Variants in FRYL observed in about 807,000 individuals in gnomAD.
The protein encoded by FRYL is protein furry homolog-like.
A neutral mutation model predicts 351.2 loss-of-function variants in FRYL; 150 were observed. The ratio of observed to expected loss-of-function variants is 0.43; its 90% CI spans 0.37 to 0.49. The LOEUF is 0.49. FRYL is among the 20% of genes least tolerant of loss of function. The pLI, the probability that FRYL is intolerant of heterozygous loss-of-function variation, is 0.00. For synonymous variants in FRYL, 1,153 were observed against 1,257.1 expected, an observed-to-expected ratio of 0.92 and a Z score of 1.75; for missense variants, 3,036 against 3,619.3, an observed-to-expected ratio of 0.84 and a Z score of 4.13.
At chr4:48,608,099 T>C (rs1265064332) in intron 9 of FRYL, among the ~76,000 whole-genome samples, 6 of 152,160 alleles carry the variant, frequency 3.9e-5, no homozygotes, top group African/African-American at 1.4e-4. Context: ...ATTAAAAAAT[T>C]ATCATCTATA....
intron 1 of FRYL, among the ~76,000 whole-genome samples, chr4:48,742,239 T>C (rs1772171471): frequency 6.6e-6 from 1 of 152,242 alleles, no homozygotes; most frequent in African/African-American, 2.4e-5. Flanking sequence ...GTGCACCTTT[T>C]AAAGTCTGAC....
chr4:48,508,307 T>C (rs1194705809), intron 59 of FRYL, among the ~76,000 whole-genome samples: 6 of 152,200 alleles, frequency 3.9e-5, no homozygotes, highest in South Asian at 2.1e-4. Context: ...ATCTGAGATT[T>C]TGAATGAGAC....
At chr4:48,761,986 G>A (rs1467686481) in intron 1 of FRYL, among the ~76,000 whole-genome samples, 1 of 152,066 alleles carries the variant, frequency 6.6e-6, no homozygotes, top group East Asian at 1.9e-4. Flanking sequence ...AGGTTATGAG[G>A]GTAGATTCCT....
intron 50 of FRYL, among the ~76,000 whole-genome samples, chr4:48,529,391 A>G (rs116387816): frequency 1.2e-4 from 18 of 152,338 alleles, no homozygotes; most frequent in African/African-American, 3.8e-4. Flanking sequence ...TTGATGCAAC[A>G]AATTGAAATT....
chr4:48,559,841 G>A (rs1364754104), intron 33 of FRYL, among the ~76,000 whole-genome samples: 2 of 152,124 alleles, frequency 1.3e-5, no homozygotes, highest in African/African-American at 2.4e-5. Context: ...TGGAAATTAA[G>A]TGAGATCAGA....
rs1464748839 is a variant in FRYL at position 48,589,882 on chromosome 4, G to T, written c.1508-5C>A. On this transcript the variant is annotated splice_polypyrimidine_tract_variant and splice_region_variant and intron_variant, in intron 17 of 63. Transcript: ENST00000358350. The stretch of plus-strand genomic sequence containing the variant: ...GAGGATAGTAAACTGACATTCCTAG[G>T]GGAAAAAACTTCACAGTTATAAAAT... The T allele has an allele frequency of 8.7e-6, 14 of 1,604,036 alleles. No homozygotes were observed. The highest frequency in any genetic ancestry group is 1.1e-5 in the Non-Finnish European group (13 of 1,174,314).
At chr4:48,660,231 T>C (rs1163004432) in intron 3 of FRYL, among the ~76,000 whole-genome samples, 1 of 152,172 alleles carries the variant, frequency 6.6e-6, no homozygotes, top group Non-Finnish European at 1.5e-5. Flanking sequence ...TTCATATTGA[T>C]ATAAATGAAT....
intron 18 of FRYL, among the ~76,000 whole-genome samples, chr4:48,589,284 G>C (rs1308913803): frequency 6.6e-6 from 1 of 151,960 alleles, no homozygotes; most frequent in Non-Finnish European, 1.5e-5. Flanking sequence ...GGTGGGATGA[G>C]GTAGTGTTTC....
At chr4:48,754,492 G>A (rs550453211) in intron 1 of FRYL, among the ~76,000 whole-genome samples, 1 of 152,176 alleles carries the variant, frequency 6.6e-6, no homozygotes, top group South Asian at 2.1e-4. Context: ...AGTTATCTGG[G>A]AGTATATACC....
chr4:48,747,169 C>G (rs1051007167), intron 1 of FRYL, among the ~76,000 whole-genome samples: 4 of 150,808 alleles, frequency 2.7e-5, no homozygotes, highest in African/African-American at 9.7e-5. Context: ...CTATCCCCCC[C>G]CAAAAAAAGA....
At chr4:48,555,615 A>C (rs1235563594) in intron 35 of FRYL, among the ~76,000 whole-genome samples, 1 of 152,178 alleles carries the variant, frequency 6.6e-6, no homozygotes, top group Non-Finnish European at 1.5e-5. Context: ...CGAGGAGGGA[A>C]TGCCTGGTGA....
intron 55 of FRYL, among the ~76,000 whole-genome samples, chr4:48,517,405 CA>C (rs1420188713): frequency 6.6e-6 from 1 of 152,132 alleles, no homozygotes; most frequent in Non-Finnish European, 1.5e-5. Flanking sequence ...ATATAACATA[CA>C]ATGAAATTTT....
At chr4:48,537,248 T>C (rs1020390593) in intron 47 of FRYL, among the ~76,000 whole-genome samples, 1 of 152,166 alleles carries the variant, frequency 6.6e-6, no homozygotes, top group Non-Finnish European at 1.5e-5. Context: ...AAAAAACTTA[T>C]TTTTTGAAAA....
intron 3 of FRYL, among the ~76,000 whole-genome samples, chr4:48,651,518 T>C (rs145109492): frequency 6.6e-6 from 1 of 152,236 alleles, no homozygotes. Flanking sequence ...CTGTTTTATG[T>C]ATAACAGTCA....
intron 4 of FRYL, among the ~76,000 whole-genome samples, chr4:48,632,106 A>ATATATATATATG (rs1753273965): frequency 1.4e-4 from 8 of 58,198 alleles, no homozygotes; most frequent in Admixed American, 5.5e-4. Flanking sequence ...ATATATATAT[A>ATATATATATATG]TATATATATA....
At chr4:48,676,594 T>C (rs1032329055) in intron 3 of FRYL, among the ~76,000 whole-genome samples, 1 of 151,346 alleles carries the variant, frequency 6.6e-6, no homozygotes, top group African/African-American at 2.4e-5. Flanking sequence ...GGTTTCACTG[T>C]GTTAGCCAGG....
intron 26 of FRYL, among the ~76,000 whole-genome samples, chr4:48,572,576 T>A (rs948117255): frequency 1.3e-5 from 2 of 152,220 alleles, no homozygotes; most frequent in African/African-American, 4.8e-5. Context: ...TTCCTTACCC[T>A]GCAACCAGAG....
intron 60 of FRYL, 138 bp downstream of exon 60, chr4:48,505,409 T>C: frequency 3.0e-6 from 2 of 676,272 alleles, no homozygotes; most frequent in Non-Finnish European, 5.3e-6. Flanking sequence ...TTTACAAAGA[T>C]TGTTTTGATA....
intron 3 of FRYL, chr4:48,645,926 T>C (rs915847718): frequency 1.3e-5 from 2 of 152,166 alleles, no homozygotes; most frequent in Non-Finnish European, 2.9e-5. Flanking sequence ...CCTTGCACTC[T>C]ACGTAAAAAC....
Sources: allele counts gnomAD v4.1 joint callset (sites outside exome capture counted in the v4.1 genomes callset), GRCh38; gene constraint gnomAD v4.1.1; transcripts MANE v1.5; gene names NCBI Gene and HGNC (gene_info 2026-07-23, HGNC 2026-07-21).